Variants in UBE2E3 observed in about 807,000 individuals in gnomAD.
UBE2E3 encodes ubiquitin-conjugating enzyme E2 E3.
Under a neutral mutation model 23.6 loss-of-function variants are expected in UBE2E3, and 5 were observed. The ratio of observed to expected loss-of-function variants is 0.21; its 90% confidence interval spans 0.11 to 0.44. UBE2E3 has a LOEUF of 0.44. UBE2E3 is among the 20% of genes least tolerant of loss of function. The probability of loss-of-function intolerance (pLI) is 0.99; values close to 1 mark genes in which losing one functional copy is unlikely to be tolerated. For synonymous variants in UBE2E3, 78 were observed against 87.5 expected, an observed-to-expected ratio of 0.89 and a Z score of 0.60; for missense variants, 81 against 249.8, an observed-to-expected ratio of 0.32 and a Z score of 4.55.
intron 4 of UBE2E3, among the ~76,000 whole-genome samples, chr2:181,059,736 T>TA (rs1218567362): frequency 6.6e-6 from 1 of 151,662 alleles, no homozygotes; most frequent in Non-Finnish European, 1.5e-5. Context: ...AGAGCAGTTC[T>TA]AGAGGGGCAT....
At chr2:181,054,456 TCTTGTTTTAA>T (rs1222937517) in intron 3 of UBE2E3, among the ~76,000 whole-genome samples, 1 of 151,864 alleles carries the variant, frequency 6.6e-6, no homozygotes, top group Non-Finnish European at 1.5e-5. Flanking sequence ...GGCATGCTTT[TCTTGTTTTAA>T]CTTGAAATTC....
At chr2:181,015,029 A>G (rs2105614034) in intron 3 of UBE2E3, among the ~76,000 whole-genome samples, 1 of 152,332 alleles carries the variant, frequency 6.6e-6, no homozygotes, top group East Asian at 1.9e-4. Context: ...TCAAGCAGGC[A>G]TTAGAGACTG....
intron 2 of UBE2E3, among the ~76,000 whole-genome samples, chr2:180,983,179 C>T (rs912247968): frequency 1.3e-5 from 2 of 152,124 alleles, no homozygotes; most frequent in African/African-American, 2.4e-5. Context: ...AATATAAAAA[C>T]TGATCAAATA....
chr2:181,003,485 A>G (rs926013531), intron 3 of UBE2E3, among the ~76,000 whole-genome samples: 2 of 152,198 alleles, frequency 1.3e-5, no homozygotes, highest in Non-Finnish European at 2.9e-5. Context: ...ACGCTGTCTC[A>G]AGATTTAAAA....
chr2:181,004,392 T>C (rs1464936676), intron 3 of UBE2E3, among the ~76,000 whole-genome samples: 2 of 152,132 alleles, frequency 1.3e-5, no homozygotes, highest in African/African-American at 2.4e-5. Flanking sequence ...CCCAGCACTT[T>C]GGGAGGCTGA....
chr2:180,996,951 G>A (rs1684838945), intron 3 of UBE2E3, among the ~76,000 whole-genome samples: 1 of 152,014 alleles, frequency 6.6e-6, no homozygotes, highest in Non-Finnish European at 1.5e-5. Context: ...TGAACTTTGT[G>A]CATGAGCTTA....
At chr2:180,986,841 A>T (rs1222285530) in intron 3 of UBE2E3, among the ~76,000 whole-genome samples, 1 of 152,252 alleles carries the variant, frequency 6.6e-6, no homozygotes, top group Non-Finnish European at 1.5e-5. Flanking sequence ...AATGAAACAC[A>T]AGAAAACTCA....
intron 3 of UBE2E3, among the ~76,000 whole-genome samples, chr2:181,032,676 A>G (rs13425162): frequency 0.059 from 9,047 of 152,228 alleles, 481 homozygotes; most frequent in African/African-American, 0.14. Flanking sequence ...TTGGACATGC[A>G]AAGAAAACAA....
chr2:181,017,669 G>T (rs1037513438), intron 3 of UBE2E3, among the ~76,000 whole-genome samples: 1 of 149,988 alleles, frequency 6.7e-6, no homozygotes, highest in African/African-American at 2.5e-5. Flanking sequence ...TTTTAATACG[G>T]AAGTGTCATA....
chr2:181,020,632 T>C (rs895363965), intron 3 of UBE2E3, among the ~76,000 whole-genome samples: 16 of 152,214 alleles, frequency 1.1e-4, no homozygotes, highest in Non-Finnish European at 1.5e-4. Context: ...GCAAATCTTA[T>C]CAAATACTTC....
chr2:181,050,149 A>G (rs1165334912), intron 3 of UBE2E3, among the ~76,000 whole-genome samples: 2 of 151,944 alleles, frequency 1.3e-5, no homozygotes, highest in Non-Finnish European at 2.9e-5. Flanking sequence ...TTAGGAAAAG[A>G]ATCCACTTCT....
At chr2:181,034,508 C>G (rs1428395691) in intron 3 of UBE2E3, among the ~76,000 whole-genome samples, 3 of 152,144 alleles carry the variant, frequency 2.0e-5, no homozygotes, top group African/African-American at 4.8e-5. Flanking sequence ...AGGGGAACAT[C>G]ACACACCGGG....
At chr2:181,059,917 C>T (rs545315635) in intron 4 of UBE2E3, among the ~76,000 whole-genome samples, 139 of 151,224 alleles carry the variant, frequency 9.2e-4, no homozygotes, top group African/African-American at 3.3e-3. Context: ...TTTTTTTTCT[C>T]GGCAACTCCA....
chr2:181,037,211 G>A (rs1686321563), intron 3 of UBE2E3, among the ~76,000 whole-genome samples: 1 of 148,946 alleles, frequency 6.7e-6, no homozygotes, highest in African/African-American at 2.6e-5. Context: ...ATAATTATAT[G>A]TAGTACATAC....
At chr2:181,012,664 G>A (rs975167212) in intron 3 of UBE2E3, among the ~76,000 whole-genome samples, 6 of 152,118 alleles carry the variant, frequency 3.9e-5, no homozygotes, top group African/African-American at 1.2e-4. Flanking sequence ...TATATTCTGT[G>A]TAAACTAATA....
At chr2:180,989,567 T>C (rs995786624) in intron 3 of UBE2E3, among the ~76,000 whole-genome samples, 3 of 152,164 alleles carry the variant, frequency 2.0e-5, no homozygotes, top group Non-Finnish European at 4.4e-5. Flanking sequence ...GGCCTAGTTA[T>C]TTCCTCCATA....
intron 3 of UBE2E3, among the ~76,000 whole-genome samples, chr2:181,000,603 G>A (rs4667006): frequency 0.23 from 34,794 of 148,484 alleles, 4,390 homozygotes; most frequent in Non-Finnish European, 0.28. Flanking sequence ...CGCCCAGGCT[G>A]CAGTGCAGTG....
At chr2:181,025,482 A>T (rs1003946747) in intron 3 of UBE2E3, among the ~76,000 whole-genome samples, 48 of 104,030 alleles carry the variant, frequency 4.6e-4, no homozygotes, top group African/African-American at 1.8e-3. Flanking sequence ...TTTCCTCTTT[A>T]TTGTGTATAC....
At chr2:180,982,743 C>G (rs562607427) in intron 2 of UBE2E3, among the ~76,000 whole-genome samples, 11 of 152,288 alleles carry the variant, frequency 7.2e-5, no homozygotes, top group Admixed American at 3.3e-4. Flanking sequence ...TACAGTTTTA[C>G]AAAACATGAC....
Sources: allele counts gnomAD v4.1 joint callset (sites outside exome capture counted in the v4.1 genomes callset), GRCh38; gene constraint gnomAD v4.1.1; transcripts MANE v1.5; gene names NCBI Gene and HGNC (gene_info 2026-07-23, HGNC 2026-07-21).